The following ATXN1 variants were observed in gnomAD, a reference collection of about 807,000 sequenced individuals.
ATXN1 encodes ataxin-1.
A neutral mutation model predicts 56.4 loss-of-function variants in ATXN1; 8 were observed. That is an observed-to-expected ratio of 0.14 (90% CI 0.08 to 0.26). ATXN1 has a LOEUF of 0.26. Among genes scored for constraint, ATXN1 ranks in the 10% least tolerant of loss-of-function variants. The probability of loss-of-function intolerance (pLI) is 1.00; values close to 1 mark genes in which losing one functional copy is unlikely to be tolerated. For missense variants in ATXN1, 987 were observed against 1,106.5 expected (o/e 0.89, Z 1.53); for synonymous variants, 514 against 494.6 (o/e 1.04, Z -0.52).
In ATXN1 at chr6:16,304,306, T is replaced by C. The variant is rs1319402544; in HGVS notation, c.*2023A>G. 1 of 152,606 alleles carries C rather than the reference T, an allele frequency of 6.6e-6. No individual in the cohort carries two copies. The highest frequency in any genetic ancestry group is 1.5e-5 in the Non-Finnish European group (1 of 68,032). 9.5% of individuals were successfully genotyped at this position (152,606 alleles called of 1,614,324 possible). On this transcript the variant is annotated 3_prime_UTR_variant, in exon 8 of 8. Transcript: ENST00000436367. Reference sequence around the variant, plus strand: ...TTTCTCCCTACTTATAAAACTTTTTTTTAAAGCACTTTAAAGATGCATTCA... The same window carrying C: ...TTTCTCCCTACTTATAAAACTTTTTCTTAAAGCACTTTAAAGATGCATTCA...
At chr6:16,413,979 C>T (rs1241521750) in intron 6 of ATXN1, among the ~76,000 whole-genome samples, 1 of 152,170 alleles carries the variant, frequency 6.6e-6, no homozygotes, top group African/African-American at 2.4e-5. Context: ...CATTGCTCTA[C>T]TTGGGGTTTT....
At chr6:16,402,073 A>G (rs140602251) in intron 6 of ATXN1, among the ~76,000 whole-genome samples, 1,550 of 152,144 alleles carry the variant, frequency 0.01, 13 homozygotes, top group Non-Finnish European at 0.015. Flanking sequence ...ATCCATTACC[A>G]CGAGAACAGC....
At chr6:16,608,909 G>C (rs753274425) in intron 3 of ATXN1, among the ~76,000 whole-genome samples, 1 of 152,076 alleles carries the variant, frequency 6.6e-6, no homozygotes, top group Non-Finnish European at 1.5e-5. Flanking sequence ...CTCTCCATTT[G>C]TGTTTTGTAA....
chr6:16,735,747 T>A (rs567729394), intron 2 of ATXN1, among the ~76,000 whole-genome samples: 6 of 152,242 alleles, frequency 3.9e-5, no homozygotes, highest in Admixed American at 3.9e-4. Context: ...TCCACTTAAC[T>A]CTTTTTAAAA....
chr6:16,466,575 T>G (rs1375844836), intron 6 of ATXN1, among the ~76,000 whole-genome samples: 1 of 152,160 alleles, frequency 6.6e-6, no homozygotes, highest in African/African-American at 2.4e-5. Context: ...CAGAAAAATA[T>G]TTTGAAAATC....
At chr6:16,449,843 C>G (rs941184858) in intron 6 of ATXN1, among the ~76,000 whole-genome samples, 1 of 152,110 alleles carries the variant, frequency 6.6e-6, no homozygotes, top group Non-Finnish European at 1.5e-5. Flanking sequence ...CAATACTGCA[C>G]AACAACATAA....
chr6:16,362,535 C>G (rs998472710), intron 6 of ATXN1, among the ~76,000 whole-genome samples: 1 of 152,140 alleles, frequency 6.6e-6, no homozygotes, highest in Non-Finnish European at 1.5e-5. Context: ...CCTGTCATCA[C>G]CCCCGCTCCG....
intron 3 of ATXN1, among the ~76,000 whole-genome samples, chr6:16,631,829 C>T (rs1459495911): frequency 6.6e-6 from 1 of 152,112 alleles, no homozygotes; most frequent in Admixed American, 6.5e-5. Flanking sequence ...TTTCAATTTG[C>T]CATGATATAA....
At chr6:16,427,369 C>G (rs1470060308) in intron 6 of ATXN1, among the ~76,000 whole-genome samples, 8 of 152,152 alleles carry the variant, frequency 5.3e-5, no homozygotes, top group African/African-American at 1.7e-4. Context: ...CAGACATTGC[C>G]AACTTGCCCA....
intron 2 of ATXN1, among the ~76,000 whole-genome samples, chr6:16,667,851 A>G (rs1758458229): frequency 6.6e-6 from 1 of 152,130 alleles, no homozygotes; most frequent in Non-Finnish European, 1.5e-5. Flanking sequence ...AAACATACTG[A>G]ACACTTTCTA....
intron 3 of ATXN1, among the ~76,000 whole-genome samples, chr6:16,599,423 C>A (rs1762874203): frequency 6.6e-6 from 1 of 151,430 alleles, no homozygotes; most frequent in African/African-American, 2.4e-5. Context: ...AAAAAAAAAA[C>A]AAGCTTAGGC....
chr6:16,648,952 A>G (rs1763847610), intron 3 of ATXN1, among the ~76,000 whole-genome samples: 1 of 151,840 alleles, frequency 6.6e-6, no homozygotes, highest in Non-Finnish European at 1.5e-5. Context: ...TTATATATGT[A>G]TATACACATA....
rs183264770 is a variant in ATXN1, at chr6:16,530,988, A to T, written c.-360-8300T>A. Among the ~76,000 whole-genome samples the T allele has an allele frequency of 3.9e-5, 6 of 152,332 alleles. No homozygotes were observed. In the East Asian group the frequency reaches 9.6e-4, roughly 24 times the overall value. On this transcript the variant is annotated intron_variant, in intron 4 of 7. Coordinates refer to ENST00000436367, the MANE Select transcript of ATXN1 (RefSeq NM_001128164.2). ...AAGACAGTGTCCATACACCTTAATA[A>T]GTCCTCTAACAGCTAGCATAAGTTT...
At chr6:16,361,062 T>C (rs1761797962) in intron 6 of ATXN1, among the ~76,000 whole-genome samples, 1 of 152,250 alleles carries the variant, frequency 6.6e-6, no homozygotes, top group Non-Finnish European at 1.5e-5. Flanking sequence ...TAATTTATTT[T>C]AGCTAATGAA....
At chr6:16,478,830 G>A (rs1408740466) in intron 6 of ATXN1, among the ~76,000 whole-genome samples, 2 of 152,136 alleles carry the variant, frequency 1.3e-5, no homozygotes, top group Non-Finnish European at 2.9e-5. Flanking sequence ...TTTATCAAGA[G>A]CATTTTTATT....
chr6:16,515,004 TTAA>T (rs1233137517), intron 5 of ATXN1, among the ~76,000 whole-genome samples: 4 of 150,848 alleles, frequency 2.7e-5, no homozygotes, highest in African/African-American at 7.3e-5. Context: ...ATAATAATAA[TTAA>T]TAATAATAAT....
intron 6 of ATXN1, among the ~76,000 whole-genome samples, chr6:16,418,507 G>A (rs1031815714): frequency 6.6e-6 from 1 of 152,130 alleles, no homozygotes; most frequent in African/African-American, 2.4e-5. Flanking sequence ...GAAGCAGGGA[G>A]CATTCATGAG....
At position 16,300,175 on chromosome 6, in the gene ATXN1, G is replaced by C. The variant is rs1760048037; in HGVS notation, c.*6154C>G. 6.6e-6 allele frequency: 1 copy of C among 152,618 alleles called. No homozygotes were observed. The highest frequency in any genetic ancestry group is 2.1e-4 in the South Asian group (1 of 4,832). The allele number at this position is 152,618 out of a possible 1,614,324, so 9.5% of individuals were successfully genotyped here. A position where few individuals can be genotyped will look rare whatever the true frequency, so the allele number is the denominator to read the frequency against. On this transcript the variant is annotated 3_prime_UTR_variant, in exon 8 of 8. Coordinates refer to ENST00000436367, the MANE Select transcript of ATXN1 (RefSeq NM_001128164.2). ...AACAAACTAAAGGGAAAGAAAACGT[G>C]GGTGAAGCCTCCAATGTATCTGCAG...
At chr6:16,629,714 G>A (rs1309862945) in intron 3 of ATXN1, among the ~76,000 whole-genome samples, 1 of 151,892 alleles carries the variant, frequency 6.6e-6, no homozygotes, top group Non-Finnish European at 1.5e-5. Flanking sequence ...TCAGGAGTTC[G>A]AGACCATCCT....
Sources: gnomAD v4.1 joint callset for allele counts (sites outside exome capture counted in the v4.1 genomes callset) on GRCh38, gnomAD v4.1.1 for gene constraint, MANE v1.5 for transcripts, NCBI Gene and HGNC (gene_info 2026-07-23, HGNC 2026-07-21) for gene names.